Variants in CAMSAP2 observed in about 807,000 individuals in gnomAD.
CAMSAP2 encodes calmodulin-regulated spectrin-associated protein 2.
A neutral mutation model predicts 146.1 loss-of-function variants in CAMSAP2; 26 were observed. The ratio of observed to expected loss-of-function variants is 0.18; its 90% CI spans 0.13 to 0.25. The LOEUF (loss-of-function observed/expected upper bound fraction) is 0.25, where lower values mean the gene tolerates loss of function less well. CAMSAP2 is among the 10% of genes least tolerant of loss of function. The pLI is 1.00. For synonymous variants in CAMSAP2, 499 were observed against 596.6 expected, an observed-to-expected ratio of 0.84 and a Z score of 2.38; for missense variants, 1,381 against 1,759.3, an observed-to-expected ratio of 0.78 and a Z score of 3.85.
intron 2 of CAMSAP2, among the ~76,000 whole-genome samples, chr1:200,772,574 A>G (rs967256059): frequency 6.6e-6 from 1 of 152,186 alleles, no homozygotes; most frequent in Non-Finnish European, 1.5e-5. Flanking sequence ...ATGCCACTGC[A>G]CTCCAGCCTG....
At chr1:200,740,238 T>C (rs1413762031) in intron 1 of CAMSAP2, among the ~76,000 whole-genome samples, 2 of 152,114 alleles carry the variant, frequency 1.3e-5, no homozygotes, top group Admixed American at 6.5e-5. Flanking sequence ...AGCAATTTTA[T>C]GTTTTTACAT....
intron 2 of CAMSAP2, among the ~76,000 whole-genome samples, chr1:200,770,580 A>T (rs1238513621): frequency 6.6e-6 from 1 of 151,858 alleles, no homozygotes; most frequent in African/African-American, 2.4e-5. Context: ...CACCCAGCTA[A>T]TTTTTTTGTA....
At chr1:200,788,134 G>A (rs1259775551) in intron 2 of CAMSAP2, among the ~76,000 whole-genome samples, 1 of 152,194 alleles carries the variant, frequency 6.6e-6, no homozygotes, top group Non-Finnish European at 1.5e-5. Context: ...CATAAAGAAT[G>A]TAGCCTTTTC....
chr1:200,855,713 C>T (rs908906096), intron 14 of CAMSAP2, among the ~76,000 whole-genome samples: 2 of 151,958 alleles, frequency 1.3e-5, no homozygotes, highest in Non-Finnish European at 1.5e-5. Context: ...TCTTCTGCCT[C>T]AGCCTCCTGA....
At chr1:200,769,659 G>A (rs897471571) in intron 2 of CAMSAP2, among the ~76,000 whole-genome samples, 3 of 152,170 alleles carry the variant, frequency 2.0e-5, no homozygotes, top group African/African-American at 7.2e-5. Context: ...TACATTTACT[G>A]GTTTATTATA....
intron 3 of CAMSAP2, among the ~76,000 whole-genome samples, chr1:200,812,354 CTACA>C (rs908341174): frequency 1.3e-5 from 2 of 152,132 alleles, no homozygotes; most frequent in African/African-American, 4.8e-5. Flanking sequence ...CTTTGGAAAT[CTACA>C]CAAAATTAAG....
At chr1:200,784,134 G>A (rs1665520584) in intron 2 of CAMSAP2, among the ~76,000 whole-genome samples, 1 of 151,926 alleles carries the variant, frequency 6.6e-6, no homozygotes, top group Non-Finnish European at 1.5e-5. Flanking sequence ...CTCTTCCATT[G>A]ATTTAGATGT....
chr1:200,846,502 C>T (rs1020719745), intron 8 of CAMSAP2, among the ~76,000 whole-genome samples: 1 of 152,212 alleles, frequency 6.6e-6, no homozygotes, highest in Non-Finnish European at 1.5e-5. Context: ...TGGATGTCTA[C>T]ATTCTTTTCC....
At chr1:200,747,839 T>G (rs996520702) in intron 1 of CAMSAP2, among the ~76,000 whole-genome samples, 12 of 151,952 alleles carry the variant, frequency 7.9e-5, no homozygotes, top group African/African-American at 2.9e-4. Context: ...TACAAAAAAT[T>G]AGCCGGGCGT....
At chr1:200,824,632 C>T (rs1367853023) in intron 4 of CAMSAP2, among the ~76,000 whole-genome samples, 1 of 152,058 alleles carries the variant, frequency 6.6e-6, no homozygotes, top group Non-Finnish European at 1.5e-5. Context: ...TTGCTCAGTC[C>T]TACAATACAT....
chr1:200,816,994 A>G (rs1176011508), intron 4 of CAMSAP2, among the ~76,000 whole-genome samples: 2 of 137,140 alleles, frequency 1.5e-5, no homozygotes, highest in Non-Finnish European at 3.3e-5. Context: ...ACATATATAC[A>G]TATATGTGTA....
At chr1:200,766,161 T>C (rs1400376845) in intron 2 of CAMSAP2, among the ~76,000 whole-genome samples, 1 of 150,596 alleles carries the variant, frequency 6.6e-6, no homozygotes, top group Non-Finnish European at 1.5e-5. Flanking sequence ...TTTTTTTTCC[T>C]GAGACAGGAT....
chr1:200,832,626 G>A lies in CAMSAP2; in HGVS notation c.788-80G>A, dbSNP rs889934106. 2 of 1,175,092 alleles carry A rather than the reference G, an allele frequency of 1.7e-6. No individual in the cohort carries two copies. The highest frequency in any genetic ancestry group is 2.5e-5 in the East Asian group (1 of 39,990). The allele number at this position is 1,175,092 out of a possible 1,614,324, so 72.8% of individuals were successfully genotyped here. On this transcript the variant is annotated intron_variant, in intron 5 of 16. Transcript: ENST00000358823. The surrounding 1 kb of genome is among the most constrained non-coding windows in gnomAD (Gnocchi z 4.2). ...GTTTGTTAACCAGAATTGTGTATTT[G>A]TACTAATTACAAGATGGATATGAAA...
At chr1:200,752,240 T>C (rs987068303) in intron 1 of CAMSAP2, among the ~76,000 whole-genome samples, 3 of 152,234 alleles carry the variant, frequency 2.0e-5, no homozygotes, top group African/African-American at 7.2e-5. Context: ...ATTTTTAATC[T>C]GATTTTTAAC....
At chr1:200,839,665 A>G (rs947646727) in intron 6 of CAMSAP2, among the ~76,000 whole-genome samples, 1 of 152,198 alleles carries the variant, frequency 6.6e-6, no homozygotes, top group Non-Finnish European at 1.5e-5. Flanking sequence ...ATGCAAAGGC[A>G]TAAGAATGAT....
chr1:200,850,199 G>C lies in CAMSAP2; in HGVS notation c.3430G>C (p.Asp1144His). 2 of 1,598,956 alleles carry C rather than the reference G, an allele frequency of 1.3e-6. No homozygotes were observed. Among genetic ancestry groups the C allele is most frequent in the Non-Finnish European group, 8.5e-7 (1 of 1,174,904 alleles). ...DGESDKEQFD[D>H]DQKVCCGFFF... is the part of the protein sequence containing the mutation. Reference sequence around the variant, plus strand: ...AGAAAGTGATAAAGAACAATTTGATGATGACCAGAAAGTATGCTGTGGATT... The same window carrying C: ...AGAAAGTGATAAAGAACAATTTGATCATGACCAGAAAGTATGCTGTGGATT... The change falls in exon 11 of 17, where the codon GAT becomes CAT. Residue 1144 changes from aspartate to histidine, a missense_variant. By Grantham distance (81) the Asp-to-His change is moderately conservative. Around this residue, in one of 4 missense-constraint regions of CAMSAP2, gnomAD observed 560 missense variants for 715.9 expected, o/e 0.78. Transcript: ENST00000358823.
rs1664092366 is a variant in CAMSAP2, at chr1:200,739,687, C to T, written c.-141C>T. On this transcript the variant is annotated 5_prime_UTR_variant, in exon 1 of 17. Transcript: ENST00000358823. This position sits in a 1 kb window ranked among gnomAD's most constrained non-coding sequence, Gnocchi z 4.8. ...GCGCGCGGCGCGGACAGCTGAGCTT[C>T]TCCTCCGTCGGCGCCCGGGCGGACA... is the stretch of plus-strand genomic sequence containing the variant. The T allele has an allele frequency of 1.4e-6, 1 of 736,050 alleles. No homozygotes were observed. Among genetic ancestry groups the T allele is most frequent in the East Asian group, 3.5e-5 (1 of 28,782 alleles). The allele number at this position is 736,050 out of a possible 1,614,324, so 45.6% of individuals were successfully genotyped here.
chr1:200,764,432 T>C (rs543253792), intron 2 of CAMSAP2, among the ~76,000 whole-genome samples: 1 of 152,216 alleles, frequency 6.6e-6, no homozygotes. Flanking sequence ...TTAACTTTGG[T>C]TTCTTCTGTG....
chr1:200,847,771 G>T (rs1667499207), intron 10 of CAMSAP2, 62 bp downstream of exon 10: 4 of 1,375,940 alleles, frequency 2.9e-6, no homozygotes, highest in Admixed American at 1.9e-5. Context: ...TTGCATCTGT[G>T]TCTCTCTTTT....
Sources: gnomAD v4.1 joint callset for allele counts (sites outside exome capture counted in the v4.1 genomes callset) on GRCh38, gnomAD v4.1.1 for gene constraint, gnomAD v4.1.1 regional missense constraint, Gnocchi (gnomAD v3.1) non-coding constraint, MANE v1.5 for transcripts, NCBI Gene and HGNC (gene_info 2026-07-23, HGNC 2026-07-21) for gene names.